ITGB3BP: variants seen among roughly 807,000 people sequenced by gnomAD.
ITGB3BP encodes the protein integrin subunit beta 3 binding protein.
Under a neutral mutation model 29.1 loss-of-function variants are expected in ITGB3BP, and 27 were observed. That is an observed-to-expected ratio of 0.93 (90% CI 0.68 to 1.28). The LOEUF is 1.28. Among genes scored for constraint, ITGB3BP ranks in the 50% most tolerant of loss-of-function variants. ITGB3BP has a pLI of 0.00. For synonymous variants in ITGB3BP, 61 were observed against 61.4 expected (o/e 0.99, Z 0.03); for missense variants, 192 against 200.2 (o/e 0.96, Z 0.25).
chr1:63,468,862 A>AAAT (rs1645144443), intron 4 of ITGB3BP, among the ~76,000 whole-genome samples: 286 of 139,378 alleles, frequency 2.1e-3, no homozygotes, highest in Middle Eastern at 3.5e-3. Flanking sequence ...ACTCTGTCTC[A>AAAT]AAATAAATAA....
At chr1:63,502,655 C>CCCCCT (rs1645964400) in intron 2 of ITGB3BP, among the ~76,000 whole-genome samples, 1 of 141,562 alleles carries the variant, frequency 7.1e-6, no homozygotes, top group Non-Finnish European at 1.5e-5. Context: ...CTAATGCTAT[C>CCCCCT]CCTCTCCCCT....
intron 4 of ITGB3BP, among the ~76,000 whole-genome samples, chr1:63,471,385 G>A (rs769499814): frequency 8.6e-5 from 13 of 150,776 alleles, no homozygotes; most frequent in Non-Finnish European, 1.9e-4. Context: ...CCAAGTAGCT[G>A]GGACTACAGG....
intron 4 of ITGB3BP, among the ~76,000 whole-genome samples, chr1:63,476,965 T>A (rs1645351058): frequency 7.9e-5 from 12 of 152,348 alleles, no homozygotes; most frequent in Admixed American, 7.8e-4. Context: ...AATATCTAGT[T>A]GAGATCAGTT....
intron 4 of ITGB3BP, among the ~76,000 whole-genome samples, chr1:63,477,209 T>G (rs1557628259): frequency 6.6e-6 from 1 of 152,224 alleles, no homozygotes; most frequent in Non-Finnish European, 1.5e-5. Context: ...GCACTCAGTT[T>G]CCACATCTTT....
intron 3 of ITGB3BP, among the ~76,000 whole-genome samples, chr1:63,488,696 A>G (rs1257439717): frequency 6.6e-6 from 1 of 152,042 alleles, no homozygotes; most frequent in Non-Finnish European, 1.5e-5. Context: ...CGAGACTTCT[A>G]TATGTGAGAT....
intron 4 of ITGB3BP, among the ~76,000 whole-genome samples, chr1:63,477,499 G>A (rs1175810478): frequency 2.6e-5 from 4 of 152,176 alleles, no homozygotes; most frequent in East Asian, 3.9e-4. Context: ...CGAGTGGGTC[G>A]CTTGAGCCCA....
At chr1:63,459,273 C>T (rs899990727) in intron 4 of ITGB3BP, among the ~76,000 whole-genome samples, 1 of 152,034 alleles carries the variant, frequency 6.6e-6, no homozygotes, top group African/African-American at 2.4e-5. Context: ...AGATTTCTGC[C>T]TTAGTATTCT....
At chr1:63,523,414 T>C (rs904583128), upstream of ITGB3BP, 3 of 526,658 alleles carry the variant, frequency 5.7e-6, no homozygotes, top group South Asian at 2.1e-5. Flanking sequence ...ACCCCCGCGA[T>C]AGAGGAGCAA....
At chr1:63,441,161 A>G (rs566087748) in intron 8 of ITGB3BP, 58 bp from the exon 9 acceptor site, 1 of 152,384 alleles carries the variant, frequency 6.6e-6, no homozygotes, top group East Asian at 1.9e-4. Context: ...CACGTCATAC[A>G]TGACTTAAGA....
intron 3 of ITGB3BP, among the ~76,000 whole-genome samples, chr1:63,488,056 T>C (rs913626367): frequency 2.6e-5 from 4 of 152,120 alleles, no homozygotes; most frequent in African/African-American, 9.6e-5. Context: ...GTTTGGCCAA[T>C]GTAGAATCTA....
At chr1:63,457,412 T>C (rs896685177) in intron 4 of ITGB3BP, 3 of 152,186 alleles carry the variant, frequency 2.0e-5, no homozygotes, top group African/African-American at 7.2e-5. Context: ...AGCCCTTTTC[T>C]GTATTTTCAA....
chr1:63,482,732 C>A (rs1645461298), intron 3 of ITGB3BP, among the ~76,000 whole-genome samples: 1 of 150,390 alleles, frequency 6.6e-6, no homozygotes, highest in East Asian at 2.0e-4. Flanking sequence ...CTGCTCACTG[C>A]AACCTCCGCC....
intron 2 of ITGB3BP, among the ~76,000 whole-genome samples, chr1:63,506,076 T>C (rs1442769604): frequency 6.6e-6 from 1 of 152,142 alleles, no homozygotes; most frequent in Non-Finnish European, 1.5e-5. Context: ...CCTTGTTAAC[T>C]TTCTGTCTCG....
chr1:63,468,571 CA>C, intron 4 of ITGB3BP, among the ~76,000 whole-genome samples: 1 of 151,550 alleles, frequency 6.6e-6, no homozygotes, highest in Non-Finnish European at 1.5e-5. Context: ...ACTAAAAATA[CA>C]AAAAATTGGC....
chr1:63,496,140 G>A (rs1274674400), intron 2 of ITGB3BP, among the ~76,000 whole-genome samples: 3 of 150,856 alleles, frequency 2.0e-5, no homozygotes, highest in Non-Finnish European at 2.9e-5. Flanking sequence ...TTACCCAGGC[G>A]GGAGTGCAGT....
chr1:63,501,597 TCA>T (rs1213772450), intron 2 of ITGB3BP, among the ~76,000 whole-genome samples: 1 of 152,008 alleles, frequency 6.6e-6, no homozygotes, highest in Admixed American at 6.6e-5. Context: ...GCATGGTGGC[TCA>T]CACCTGTAAT....
chr1:63,506,316 A>C (rs926412217), intron 2 of ITGB3BP, among the ~76,000 whole-genome samples: 1 of 152,134 alleles, frequency 6.6e-6, no homozygotes, highest in Non-Finnish European at 1.5e-5. Flanking sequence ...AGTCTGTTTT[A>C]TCAGAGACTA....
intron 2 of ITGB3BP, among the ~76,000 whole-genome samples, chr1:63,500,564 A>G (rs564198489): frequency 1.9e-4 from 29 of 152,340 alleles, no homozygotes; most frequent in African/African-American, 6.7e-4. Context: ...TTAGGAATAA[A>G]TTTAATCAGA....
intron 2 of ITGB3BP, among the ~76,000 whole-genome samples, chr1:63,490,894 C>A (rs1286874480): frequency 2.0e-5 from 3 of 152,118 alleles, no homozygotes; most frequent in Non-Finnish European, 1.5e-5. Context: ...ATCTTTATAT[C>A]CTAGAGAACT....
Sources: gnomAD v4.1 joint callset for allele counts (sites outside exome capture counted in the v4.1 genomes callset) on GRCh38, gnomAD v4.1.1 for gene constraint, MANE v1.5 for transcripts, NCBI Gene and HGNC (gene_info 2026-07-23, HGNC 2026-07-21) for gene names.